Variants in FGD4 observed in about 807,000 individuals in gnomAD.
The protein encoded by FGD4 is FYVE, RhoGEF and PH domain-containing protein 4.
In FGD4, 42 loss-of-function variants were observed where a neutral mutation model predicts 102.0. The ratio of observed to expected loss-of-function variants is 0.41; its 90% CI spans 0.32 to 0.53. FGD4 has a LOEUF of 0.53. Ranked by LOEUF, FGD4 falls within the 20% of genes least tolerant of loss-of-function variation. The probability of loss-of-function intolerance (pLI) is 0.21; values close to 1 mark genes in which losing one functional copy is unlikely to be tolerated. For synonymous variants in FGD4, 380 were observed against 375.7 expected (o/e 1.01, Z -0.13); for missense variants, 902 against 1,078.2 (o/e 0.84, Z 2.29).
intron 1 of FGD4, among the ~76,000 whole-genome samples, chr12:32,541,032 CAAATATGGCTTAAGT>C (rs1565820189): frequency 6.6e-6 from 1 of 151,922 alleles, no homozygotes; most frequent in Non-Finnish European, 1.5e-5. Flanking sequence ...TAGATGTAGC[CAAATATGGCTTAAGT>C]AATGCAGTTT....
At chr12:32,614,020 A>G (rs1273177789) in intron 10 of FGD4, among the ~76,000 whole-genome samples, 1 of 152,228 alleles carries the variant, frequency 6.6e-6, no homozygotes, top group African/African-American at 2.4e-5. Flanking sequence ...CTGCAGCAGC[A>G]GACCATCCAC....
chr12:32,614,308 GA>G lies in FGD4; in HGVS notation c.1749+3028del, dbSNP rs548211760. ...TCTACAATAAATTGTAACAGGAGAT[GA>G]AACATGGCTTTCCCAGTACGATCCT... On this transcript the variant is annotated intron_variant, in intron 10 of 16. Transcript: ENST00000534526. 2.9e-3 allele frequency among the ~76,000 whole-genome samples: 439 copies of G among 152,284 alleles called. 1 individual carries two copies. The highest frequency in any genetic ancestry group is 5.0e-3 in the Non-Finnish European group (340 of 68,030).
intron 7 of FGD4, 68 bp from the exon 8 acceptor site, chr12:32,607,889 T>G (rs957838151): frequency 6.9e-6 from 11 of 1,584,840 alleles, no homozygotes; most frequent in Non-Finnish European, 7.8e-6. Context: ...AAGTTCTGTT[T>G]TACAGTGAGT....
intron 8 of FGD4, among the ~76,000 whole-genome samples, chr12:32,609,079 G>T (rs1331039377): frequency 2.0e-5 from 3 of 152,096 alleles, no homozygotes; most frequent in African/African-American, 7.2e-5. Flanking sequence ...GGCCAGGCTG[G>T]TCTTAAACTC....
Position 32,626,916 on chromosome 12 carries a change from C to T in FGD4, c.2172+1137C>T, listed in dbSNP as rs140813800. Among the ~76,000 whole-genome samples, 886 of 149,796 alleles carry T rather than the reference C, an allele frequency of 5.9e-3. 7 individuals are homozygous for T. The highest frequency in any genetic ancestry group is 0.02 in the African/African-American group (830 of 40,800). On this transcript the variant is annotated intron_variant, in intron 14 of 16. Coordinates refer to ENST00000534526, the MANE Select transcript of FGD4 (RefSeq NM_001370298.3). Reference sequence around the variant, plus strand: ...AGGCTGGAGTGCAATGATGCGATCTCGGTTCACCGCAACCTCCGCCTCCCG... The same window carrying T: ...AGGCTGGAGTGCAATGATGCGATCTTGGTTCACCGCAACCTCCGCCTCCCG...
chr12:32,449,925 T>A (rs568079149), intron 1 of FGD4, among the ~76,000 whole-genome samples: 182 of 151,804 alleles, frequency 1.2e-3, no homozygotes, highest in Non-Finnish European at 2.0e-3. Context: ...ATTTATTTTT[T>A]TTTATTTTAT....
intron 14 of FGD4, among the ~76,000 whole-genome samples, chr12:32,627,225 G>C (rs1950232449): frequency 6.6e-6 from 1 of 151,688 alleles, no homozygotes; most frequent in Non-Finnish European, 1.5e-5. Flanking sequence ...TGTGATCTTG[G>C]CTCACTGCAA....
rs2137109761 is a variant in FGD4 at position 32,642,502 on chromosome 12, T to C, written c.*1969T>C. On this transcript the variant is annotated 3_prime_UTR_variant, in exon 17 of 17. Coordinates refer to ENST00000534526, the MANE Select transcript of FGD4 (RefSeq NM_001370298.3). ...GAAGATTTATAAGTCAGATTATTTTTGAAAACTATTTTTAAAAGCAAGAAG... is the reference window on the plus strand; with the variant it reads ...GAAGATTTATAAGTCAGATTATTTTCGAAAACTATTTTTAAAAGCAAGAAG... The C allele has an allele frequency of 6.6e-6, 1 of 152,174 alleles. No individual in the cohort carries two copies. Among genetic ancestry groups the C allele is most frequent in the South Asian group, 2.1e-4 (1 of 4,818 alleles). The allele number at this position is 152,174 out of a possible 1,614,324, so 9.4% of individuals were successfully genotyped here.
chr12:32,628,493 G>T (rs1396526993), intron 14 of FGD4, among the ~76,000 whole-genome samples: 1 of 152,038 alleles, frequency 6.6e-6, no homozygotes. Flanking sequence ...GATGGCGACT[G>T]AACTAGATTA....
intron 1 of FGD4, 74 bp downstream of exon 1, chr12:32,400,033 G>A: frequency 7.1e-7 from 1 of 1,399,164 alleles, no homozygotes; most frequent in Admixed American, 3.3e-5. Context: ...CCAGCGCCCT[G>A]CAGGTGCGCC....
At chr12:32,467,531 TG>T (rs1347581967) in intron 1 of FGD4, among the ~76,000 whole-genome samples, 1 of 152,234 alleles carries the variant, frequency 6.6e-6, no homozygotes, top group African/African-American at 2.4e-5. Flanking sequence ...ATATAAACCT[TG>T]AAAGGAGCTA....
At chr12:32,419,367 T>A (rs933804745) in intron 1 of FGD4, among the ~76,000 whole-genome samples, 5 of 152,238 alleles carry the variant, frequency 3.3e-5, no homozygotes, top group African/African-American at 1.2e-4. Flanking sequence ...GTGCTGTTGA[T>A]AATTCAGGGC....
intron 1 of FGD4, among the ~76,000 whole-genome samples, chr12:32,425,460 G>C (rs1565732877): frequency 6.6e-6 from 1 of 152,202 alleles, no homozygotes. Flanking sequence ...GTACCATGCT[G>C]TTTTGGTTAC....
chr12:32,499,846 T>G (rs1413441058), intron 1 of FGD4, among the ~76,000 whole-genome samples: 1 of 152,122 alleles, frequency 6.6e-6, no homozygotes, highest in Admixed American at 6.5e-5. Context: ...CGAAACTCCG[T>G]CTGTACTAAA....
At chr12:32,610,223 C>A (rs994384336) in intron 8 of FGD4, among the ~76,000 whole-genome samples, 3 of 152,310 alleles carry the variant, frequency 2.0e-5, no homozygotes. Context: ...TGTATTACTT[C>A]CCCATTTCAT....
At chr12:32,402,519 C>T (rs904251066) in intron 1 of FGD4, among the ~76,000 whole-genome samples, 4 of 151,842 alleles carry the variant, frequency 2.6e-5, no homozygotes, top group Non-Finnish European at 4.4e-5. Context: ...ACAATCGTAG[C>T]TCACTATAGC....
intron 1 of FGD4, among the ~76,000 whole-genome samples, chr12:32,431,337 T>C (rs965832398): frequency 5.3e-5 from 8 of 152,188 alleles, no homozygotes; most frequent in Non-Finnish European, 7.3e-5. Flanking sequence ...TTTCAGGATA[T>C]CCACTTTTTC....
intron 4 of FGD4, among the ~76,000 whole-genome samples, chr12:32,592,231 C>T (rs549524148): frequency 1.9e-4 from 29 of 151,896 alleles, no homozygotes; most frequent in Admixed American, 3.9e-4. Context: ...TACAGGCGTG[C>T]GCCACCATTC....
chr12:32,631,294 G>A (rs1412283942), intron 14 of FGD4, among the ~76,000 whole-genome samples: 1 of 152,114 alleles, frequency 6.6e-6, no homozygotes. Context: ...TGTAAACCAA[G>A]TTAAAGATCA....
Sources: allele counts gnomAD v4.1 joint callset (sites outside exome capture counted in the v4.1 genomes callset), GRCh38; gene constraint gnomAD v4.1.1; transcripts MANE v1.5; gene names NCBI Gene and HGNC (gene_info 2026-07-23, HGNC 2026-07-21).